PTPRD: variants seen among roughly 807,000 people sequenced by gnomAD.
PTPRD encodes receptor-type tyrosine-protein phosphatase delta.
A neutral mutation model predicts 214.5 loss-of-function variants in PTPRD; 34 were observed. The ratio of observed to expected loss-of-function variants is 0.16; its 90% CI spans 0.12 to 0.21. The LOEUF is 0.21. PTPRD is among the 10% of genes least tolerant of loss of function. The probability of loss-of-function intolerance (pLI) is 1.00; values close to 1 mark genes in which losing one functional copy is unlikely to be tolerated. For synonymous variants in PTPRD, 1,128 were observed against 845.7 expected (o/e 1.33, Z -5.79); for missense variants, 2,545 against 2,398.7 (o/e 1.06, Z -1.27).
chr9:8,753,596 G>A (rs1166346511), intron 11 of PTPRD, among the ~76,000 whole-genome samples: 1 of 152,034 alleles, frequency 6.6e-6, no homozygotes, highest in African/African-American at 2.4e-5. Flanking sequence ...AAAGTGAGGA[G>A]ACATGATAAC....
At chr9:10,294,816 C>A (rs1445830889) in intron 3 of PTPRD, among the ~76,000 whole-genome samples, 1 of 151,894 alleles carries the variant, frequency 6.6e-6, no homozygotes, top group African/African-American at 2.4e-5. Flanking sequence ...TCTTTGATAT[C>A]TGTAACCTAA....
At chr9:10,460,196 T>G (rs940258343) in intron 2 of PTPRD, among the ~76,000 whole-genome samples, 4 of 151,860 alleles carry the variant, frequency 2.6e-5, no homozygotes, top group African/African-American at 4.8e-5. Flanking sequence ...ACCCGTAAAC[T>G]GAAAACTAGA....
At chr9:10,016,454 G>T (rs1003951558) in intron 4 of PTPRD, among the ~76,000 whole-genome samples, 3 of 152,058 alleles carry the variant, frequency 2.0e-5, no homozygotes, top group Non-Finnish European at 2.9e-5. Flanking sequence ...TAGATAAAAT[G>T]ATGGTGTCTG....
At chr9:9,050,554 GA>G (rs1590568991) in intron 10 of PTPRD, among the ~76,000 whole-genome samples, 1 of 152,102 alleles carries the variant, frequency 6.6e-6, no homozygotes, top group African/African-American at 2.4e-5. Context: ...CCTGCAGTTT[GA>G]ACATATTAAA....
chr9:8,474,617 TAA>T (rs1195216616), intron 30 of PTPRD, among the ~76,000 whole-genome samples: 10 of 152,334 alleles, frequency 6.6e-5, no homozygotes, highest in African/African-American at 2.2e-4. Flanking sequence ...AGTTTCCTAA[TAA>T]CTGCTCCAAT....
chr9:10,424,645 C>T (rs577077811), intron 2 of PTPRD, among the ~76,000 whole-genome samples: 15 of 151,920 alleles, frequency 9.9e-5, no homozygotes, highest in Non-Finnish European at 1.5e-4. Context: ...GTATGTAATG[C>T]AACGAAGAAC....
At chr9:10,026,486 T>C (rs1253648914) in intron 4 of PTPRD, among the ~76,000 whole-genome samples, 1 of 152,150 alleles carries the variant, frequency 6.6e-6, no homozygotes, top group African/African-American at 2.4e-5. Context: ...TCAAGAGTCA[T>C]GGAAATAACT....
chr9:8,405,300 A>T (rs552482822), intron 35 of PTPRD, among the ~76,000 whole-genome samples: 1 of 152,224 alleles, frequency 6.6e-6, no homozygotes, highest in South Asian at 2.1e-4. Flanking sequence ...CAATGCATAT[A>T]AATTGTTTTT....
At chr9:9,159,950 G>C (rs2099884991) in intron 10 of PTPRD, among the ~76,000 whole-genome samples, 1 of 152,172 alleles carries the variant, frequency 6.6e-6, no homozygotes, top group Non-Finnish European at 1.5e-5. Context: ...ACACACAATA[G>C]AGAAGGGATA....
intron 11 of PTPRD, among the ~76,000 whole-genome samples, chr9:8,805,484 G>A (rs1259433886): frequency 6.6e-6 from 1 of 150,746 alleles, no homozygotes; most frequent in African/African-American, 2.4e-5. Flanking sequence ...TTTGGAAAAT[G>A]ATTATAAACC....
At chr9:8,530,674 G>C (rs538576221) in intron 14 of PTPRD, among the ~76,000 whole-genome samples, 8 of 152,060 alleles carry the variant, frequency 5.3e-5, no homozygotes, top group Non-Finnish European at 1.0e-4. Flanking sequence ...ATCAGTGACT[G>C]TTTAAAAAAT....
At chr9:8,327,632 G>A (rs1835285314) in intron 44 of PTPRD, among the ~76,000 whole-genome samples, 1 of 151,774 alleles carries the variant, frequency 6.6e-6, no homozygotes, top group South Asian at 2.1e-4. Context: ...TATTGACAGT[G>A]GGGTGTTAAA....
intron 7 of PTPRD, among the ~76,000 whole-genome samples, chr9:9,637,819 G>T (rs1420673209): frequency 6.6e-6 from 1 of 152,188 alleles, no homozygotes; most frequent in African/African-American, 2.4e-5. Flanking sequence ...CTGTGTGGCA[G>T]TTCCACCCCT....
intron 2 of PTPRD, among the ~76,000 whole-genome samples, chr9:10,596,607 A>G (rs889572124): frequency 6.6e-6 from 1 of 151,692 alleles, no homozygotes; most frequent in South Asian, 2.1e-4. Context: ...ATTTTGTAAT[A>G]AGCAGGGAAT....
intron 11 of PTPRD, among the ~76,000 whole-genome samples, chr9:8,753,700 T>C (rs759471840): frequency 5.3e-5 from 8 of 152,230 alleles, no homozygotes; most frequent in Non-Finnish European, 1.0e-4. Flanking sequence ...ATTTCTTAAA[T>C]GTGCTATTTA....
At chr9:8,517,689 G>A (rs1401693795) in intron 21 of PTPRD, among the ~76,000 whole-genome samples, 159 bp downstream of exon 21, 2 of 152,168 alleles carry the variant, frequency 1.3e-5, no homozygotes, top group African/African-American at 4.8e-5. Flanking sequence ...AGATGTCCAT[G>A]CTTGTTCCTT....
chr9:8,606,917 A>G (rs2095245426), intron 14 of PTPRD, among the ~76,000 whole-genome samples: 1 of 152,348 alleles, frequency 6.6e-6, no homozygotes, highest in South Asian at 2.1e-4. Flanking sequence ...CTGTAGAAGC[A>G]GGACAATAGT....
At chr9:9,812,525 C>T (rs2047456342) in intron 5 of PTPRD, among the ~76,000 whole-genome samples, 1 of 150,818 alleles carries the variant, frequency 6.6e-6, no homozygotes, top group African/African-American at 2.5e-5. Context: ...AGCAGTAGTA[C>T]TTATATGAGA....
intron 9 of PTPRD, among the ~76,000 whole-genome samples, chr9:9,390,077 C>T (rs2065262622): frequency 6.6e-6 from 1 of 152,134 alleles, no homozygotes; most frequent in African/African-American, 2.4e-5. Flanking sequence ...GGGGAAGTCA[C>T]ATGCTGTTAT....
Sources: allele counts gnomAD v4.1 joint callset (sites outside exome capture counted in the v4.1 genomes callset), GRCh38; gene constraint gnomAD v4.1.1; transcripts MANE v1.5; gene names NCBI Gene and HGNC (gene_info 2026-07-23, HGNC 2026-07-21).